C11orf65: variants seen among roughly 807,000 people sequenced by gnomAD.
C11orf65 encodes the protein protein MFI.
Under a neutral mutation model 35.3 loss-of-function variants are expected in C11orf65, and 38 were observed. The observed-to-expected ratio is 1.08, with a 90% CI of 0.83 to 1.41. The LOEUF is 1.41. Among genes scored for constraint, C11orf65 ranks in the 40% most tolerant of loss-of-function variants. C11orf65 has a pLI of 0.00. For synonymous variants in C11orf65, 105 were observed against 114.4 expected (o/e 0.92, Z 0.53); for missense variants, 370 against 367.1 (o/e 1.01, Z -0.06).
chr11:108,338,756 T>C (rs2087136891), intron 2 of C11orf65, among the ~76,000 whole-genome samples: 1 of 152,186 alleles, frequency 6.6e-6, no homozygotes, highest in Non-Finnish European at 1.5e-5. Context: ...ACAGTTTAGG[T>C]TTGACTATTT....
At chr11:108,438,517 C>T (rs1391094239) in intron 2 of C11orf65, among the ~76,000 whole-genome samples, 1 of 151,240 alleles carries the variant, frequency 6.6e-6, no homozygotes, top group African/African-American at 2.4e-5. Context: ...AGTCACTGCA[C>T]TCCAGCTTGG....
At chr11:108,324,811 G>C (rs2085489301) in intron 6 of C11orf65, among the ~76,000 whole-genome samples, 1 of 152,106 alleles carries the variant, frequency 6.6e-6, no homozygotes, top group African/African-American at 2.4e-5. Context: ...AATAATGTTG[G>C]TAAATGAAAC....
At chr11:108,328,888 A>G (rs764840631), downstream of C11orf65, 3 of 1,021,876 alleles carry the variant, frequency 2.9e-6, no homozygotes, top group Non-Finnish European at 4.4e-6. Flanking sequence ...ACAAGTTTGC[A>G]ATAGTTCATA....
Position 108,334,107 on chromosome 11 carries a change from G to A in C11orf65, c.299+1113C>T. The A allele has an allele frequency of 8.8e-6, 6 of 682,394 alleles. No individual in the cohort carries two copies. The South Asian group carries it at 1.0e-4, about 12-fold the overall frequency. The allele number at this position is 682,394 out of a possible 1,614,324, so 42.3% of individuals were successfully genotyped here. A position where few individuals can be genotyped will look rare whatever the true frequency, so the allele number is the denominator to read the frequency against. On this transcript the variant is annotated intron_variant, in intron 3 of 3. Coordinates refer to the C11orf65 transcript ENST00000524755. ...ATATGTTTCAACCTATAATTTCTCA[G>A]TATTATATTTCCTTTGCCCAAGCCC...
At chr11:108,373,579 A>G (rs1206706771) in intron 2 of C11orf65, among the ~76,000 whole-genome samples, 6 of 152,232 alleles carry the variant, frequency 3.9e-5, no homozygotes, top group Non-Finnish European at 1.5e-5. Context: ...TCCGGTCTAC[A>G]GCTCCCAGTG....
rs535149558 is a variant in C11orf65 at position 108,430,837 on chromosome 11, C to T, written c.174+909G>A. ...TCTAACCTGGGTGACAGAGTGAGAC[C>T]CTGTCTTAAAAAAATAAATAAATAA... On this transcript the variant is annotated intron_variant, in intron 3 of 8. Coordinates refer to ENST00000393084, the MANE Select transcript of C11orf65 (RefSeq NM_152587.5). Among the ~76,000 whole-genome samples, 12 of 149,366 alleles carry T rather than the reference C, an allele frequency of 8.0e-5. No homozygotes were observed. In the South Asian group the frequency reaches 2.6e-3, roughly 32 times the overall value.
chr11:108,346,075 C>T (rs1477339162), intron 2 of C11orf65, among the ~76,000 whole-genome samples: 1 of 152,066 alleles, frequency 6.6e-6, no homozygotes, highest in Non-Finnish European at 1.5e-5. Context: ...TCTTGTTCAT[C>T]CTGATTCTTA....
At position 108,408,691 on chromosome 11, in the gene C11orf65, A is replaced by C. The variant is rs528307320; in HGVS notation, c.175-1542T>G. 8.8e-3 allele frequency among the ~76,000 whole-genome samples: 851 copies of C among 96,686 alleles called. 20 individuals carry two copies. The highest frequency in any genetic ancestry group is 0.035 in the African/African-American group (760 of 21,486). The allele number at this position is 96,686 out of a possible 152,430, so 63.4% of individuals were successfully genotyped here. The stretch of plus-strand genomic sequence containing the variant: ...TGTCTCAATAAATAAAATAAAATAA[A>C]ATAAAATAAAATAAAATAAAATAAA... On this transcript the variant is annotated intron_variant, in intron 3 of 8. Transcript: ENST00000393084.
intron 2 of C11orf65, among the ~76,000 whole-genome samples, chr11:108,448,785 G>A (rs1275814461): frequency 6.6e-6 from 1 of 152,128 alleles, no homozygotes; most frequent in East Asian, 1.9e-4. Context: ...TCTGGCCAGG[G>A]CAATTAGGCA....
intron 2 of C11orf65, among the ~76,000 whole-genome samples, chr11:108,354,070 AACAC>A (rs71047689): frequency 4.1e-3 from 471 of 114,944 alleles, no homozygotes; most frequent in South Asian, 0.021. Context: ...CACACACACA[AACAC>A]ACACACACAC....
intron 2 of C11orf65, among the ~76,000 whole-genome samples, chr11:108,374,817 G>A (rs1306151400): frequency 6.6e-6 from 1 of 152,190 alleles, no homozygotes; most frequent in East Asian, 1.9e-4. Context: ...TGAAAGCCAA[G>A]GCTCGAAAAC....
At chr11:108,348,761 T>C (rs1169716205) in intron 2 of C11orf65, among the ~76,000 whole-genome samples, 2 of 152,176 alleles carry the variant, frequency 1.3e-5, no homozygotes, top group East Asian at 3.8e-4. Context: ...AGAGAAAATA[T>C]GCCATATTCA....
At chr11:108,351,858 T>C (rs1038955618) in intron 2 of C11orf65, among the ~76,000 whole-genome samples, 2 of 152,226 alleles carry the variant, frequency 1.3e-5, no homozygotes, top group African/African-American at 4.8e-5. Context: ...TGCTAGTCTA[T>C]ATTTTCTAAC....
At chr11:108,450,992 C>T (rs936955952) in intron 2 of C11orf65, among the ~76,000 whole-genome samples, 7 of 151,806 alleles carry the variant, frequency 4.6e-5, no homozygotes, top group South Asian at 2.1e-4. Flanking sequence ...AAACTAGGTA[C>T]TGATGGGACG....
At chr11:108,410,951 C>A (rs928914490) in intron 3 of C11orf65, among the ~76,000 whole-genome samples, 1 of 151,588 alleles carries the variant, frequency 6.6e-6, no homozygotes, top group African/African-American at 2.4e-5. Flanking sequence ...CCTCATGATC[C>A]CCCTGCCTTG....
chr11:108,415,836 G>A (rs2092722689), intron 3 of C11orf65, among the ~76,000 whole-genome samples: 1 of 152,034 alleles, frequency 6.6e-6, no homozygotes, highest in African/African-American at 2.4e-5. Flanking sequence ...TCTGACAAAG[G>A]GGCAAAGGCA....
At chr11:108,422,171 G>A (rs918752896) in intron 3 of C11orf65, among the ~76,000 whole-genome samples, 12 of 152,106 alleles carry the variant, frequency 7.9e-5, no homozygotes, top group Middle Eastern at 3.4e-3. Flanking sequence ...CTCATGATCC[G>A]CCCGACTCAG....
At chr11:108,444,298 C>A (rs764235261) in intron 2 of C11orf65, among the ~76,000 whole-genome samples, 7 of 152,088 alleles carry the variant, frequency 4.6e-5, no homozygotes, top group Non-Finnish European at 8.8e-5. Context: ...AGACCAATAA[C>A]AGGCCCTGAA....
At chr11:108,361,560 A>G (rs974697006) in intron 2 of C11orf65, among the ~76,000 whole-genome samples, 75 of 152,188 alleles carry the variant, frequency 4.9e-4, no homozygotes, top group African/African-American at 1.7e-3. Flanking sequence ...CTACAAGGCT[A>G]CAGTAACCAA....
Sources: allele counts gnomAD v4.1 joint callset (sites outside exome capture counted in the v4.1 genomes callset), GRCh38; gene constraint gnomAD v4.1.1; transcripts MANE v1.5; gene names NCBI Gene and HGNC (gene_info 2026-07-23, HGNC 2026-07-21).